Variants in CCDC66 observed in about 807,000 individuals in gnomAD.
CCDC66 encodes the protein coiled-coil domain containing 66.
A neutral mutation model predicts 128.3 loss-of-function variants in CCDC66; 133 were observed. That is an observed-to-expected ratio of 1.04 (90% CI 0.90 to 1.20). The LOEUF (loss-of-function observed/expected upper bound fraction) is 1.20. Ranked by LOEUF, CCDC66 falls within the 50% of genes most tolerant of loss-of-function variation. CCDC66 has a pLI of 0.00. For missense variants in CCDC66, 1,126 were observed against 1,075.5 expected (o/e 1.05, Z -0.66); for synonymous variants, 387 against 357.0 (o/e 1.08, Z -0.95).
intron 3 of CCDC66, chr3:56,560,936 C>T: frequency 2.2e-6 from 1 of 456,486 alleles, no homozygotes; most frequent in South Asian, 1.6e-5. Flanking sequence ...CAACTCTAAG[C>T]CCTTGATGGC....
At chr3:56,615,746 T>C (rs1041829845) in intron 12 of CCDC66, 176 bp from the exon 13 acceptor site, 2 of 431,808 alleles carry the variant, frequency 4.6e-6, no homozygotes, top group Non-Finnish European at 7.9e-6. Flanking sequence ...AGAACAATTA[T>C]TAAATGATCT....
At chr3:56,597,723 C>G (rs899700252) in intron 10 of CCDC66, among the ~76,000 whole-genome samples, 29 of 146,098 alleles carry the variant, frequency 2.0e-4, no homozygotes, top group Non-Finnish European at 3.9e-4. Context: ...TGCAACTTTA[C>G]TGAATTTATT....
chr3:56,609,464 A>G lies in CCDC66; in HGVS notation c.1405-4125A>G, dbSNP rs534532498. On this transcript the variant is annotated intron_variant, in intron 10 of 17. Coordinates refer to ENST00000394672, the MANE Select transcript of CCDC66 (RefSeq NM_001141947.3). ...ATGAAATGTGTTTTTCCGCTCACAT[A>G]AACTTAAAGTTTAGGTGAGTCTCCT... Among the ~76,000 whole-genome samples, 192 of 152,236 alleles carry G rather than the reference A, an allele frequency of 1.3e-3. 1 individual carries two copies. Among genetic ancestry groups the G allele is most frequent in the Non-Finnish European group, 2.3e-3 (157 of 67,972 alleles).
At chr3:56,580,990 T>A (rs2106664261) in intron 7 of CCDC66, among the ~76,000 whole-genome samples, 1 of 152,016 alleles carries the variant, frequency 6.6e-6, no homozygotes, top group Middle Eastern at 3.4e-3. Context: ...TCCTGGATGA[T>A]ATCCTGCAGA....
chr3:56,619,564 A>G, intron 16 of CCDC66, 37 bp downstream of exon 16: 1 of 1,518,372 alleles, frequency 6.6e-7, no homozygotes, highest in African/African-American at 2.0e-5. Flanking sequence ...GTAAAAATTG[A>G]AGACCCATGT....
chr3:56,621,801 T>C lies in CCDC66; in HGVS notation c.*183T>C, dbSNP rs1229731015. 1 of 316,058 alleles carries C rather than the reference T, an allele frequency of 3.2e-6. No individual in the cohort carries two copies. The highest frequency in any genetic ancestry group is 2.2e-5 in the African/African-American group (1 of 44,806). 19.6% of individuals were successfully genotyped at this position (316,058 alleles called of 1,614,324 possible). On this transcript the variant is annotated 3_prime_UTR_variant, in exon 18 of 18. Coordinates refer to ENST00000394672, the MANE Select transcript of CCDC66 (RefSeq NM_001141947.3). ...CTATACAATAAAACAGATACTTCTTTTGTAAAAGCTTAGTAGTAAAAAAAA... is the reference window on the plus strand; with the variant it reads ...CTATACAATAAAACAGATACTTCTTCTGTAAAAGCTTAGTAGTAAAAAAAA...
intron 15 of CCDC66, 114 bp from the exon 16 acceptor site, chr3:56,619,157 G>GCACT (rs2075985774): frequency 1.2e-6 from 1 of 868,844 alleles, no homozygotes; most frequent in Non-Finnish European, 1.7e-6. Flanking sequence ...TCGCGCCACT[G>GCACT]CACTCCAGCC....
At chr3:56,598,624 AG>A (rs1444011994) in intron 10 of CCDC66, among the ~76,000 whole-genome samples, 2 of 151,982 alleles carry the variant, frequency 1.3e-5, no homozygotes, top group Non-Finnish European at 1.5e-5. Context: ...TTTATTATTT[AG>A]TGATGTTGAA....
At chr3:56,618,590 T>A (rs2075857742) in intron 15 of CCDC66, 5 of 184,414 alleles carry the variant, frequency 2.7e-5, no homozygotes, top group South Asian at 1.8e-4. Context: ...TAATGAGAGA[T>A]TTAGAACCAT....
intron 7 of CCDC66, among the ~76,000 whole-genome samples, chr3:56,587,395 G>C (rs1470969410): frequency 6.6e-6 from 1 of 151,894 alleles, no homozygotes; most frequent in Non-Finnish European, 1.5e-5. Flanking sequence ...AGACTATACA[G>C]AAAGCATAGT....
intron 10 of CCDC66, among the ~76,000 whole-genome samples, chr3:56,606,774 G>C (rs746299504): frequency 1.3e-4 from 19 of 151,384 alleles, no homozygotes; most frequent in Non-Finnish European, 1.5e-5. Flanking sequence ...TATAGTTTCA[G>C]GTCTTAGGTT....
At chr3:56,558,133 G>T (rs2064600621) in intron 1 of CCDC66, among the ~76,000 whole-genome samples, 1 of 152,042 alleles carries the variant, frequency 6.6e-6, no homozygotes, top group African/African-American at 2.4e-5. Flanking sequence ...CGCAAATTTC[G>T]CATTCCTAAT....
chr3:56,563,751 C>T lies in CCDC66; in HGVS notation c.170C>T (p.Thr57Ile). The T allele has an allele frequency of 6.4e-7, 1 of 1,551,640 alleles. No individual in the cohort carries two copies. Among genetic ancestry groups the T allele is most frequent in the Non-Finnish European group, 8.7e-7 (1 of 1,146,910 alleles). Residue 57 changes from threonine (T) to isoleucine (I), a missense_variant, in exon 4 of 18, where the codon ACA (threonine) becomes ATA (isoleucine). Coordinates refer to ENST00000394672, the MANE Select transcript of CCDC66 (RefSeq NM_001141947.3). ...RTKTGHILKS[T>I]QDTCIGSEKL... ...AAAACTGGGCACATTCTAAAATCAA[C>T]ACAAGATACTTGTATTGGGAGTGAA...
At chr3:56,586,476 A>G (rs969518808) in intron 7 of CCDC66, among the ~76,000 whole-genome samples, 2 of 151,638 alleles carry the variant, frequency 1.3e-5, no homozygotes, top group Admixed American at 6.6e-5. Context: ...GGTTACAGTG[A>G]GCTGAGATCA....
intron 10 of CCDC66, among the ~76,000 whole-genome samples, chr3:56,604,487 C>T (rs2073759057): frequency 6.6e-6 from 1 of 151,960 alleles, no homozygotes; most frequent in Admixed American, 6.6e-5. Context: ...GACAAAATCT[C>T]TCAGAATTTC....
intron 7 of CCDC66, among the ~76,000 whole-genome samples, chr3:56,576,610 A>T (rs147542831): frequency 7.3e-6 from 1 of 137,438 alleles, no homozygotes. Context: ...CCTGTGTCCA[A>T]GTGTTCTCAT....
Position 56,616,306 on chromosome 3 carries a change from T to C in CCDC66, c.1843+253T>C, listed in dbSNP as rs183661480. 249 of 355,162 alleles carry C rather than the reference T, an allele frequency of 7.0e-4. 3 individuals are homozygous for C. The highest frequency in any genetic ancestry group is 4.8e-3 in the African/African-American group (214 of 44,684). The allele number at this position is 355,162 out of a possible 1,614,324, so 22.0% of individuals were successfully genotyped here. A position where few individuals can be genotyped will look rare whatever the true frequency, so the allele number is the denominator to read the frequency against. On this transcript the variant is annotated intron_variant, in intron 13 of 17. Coordinates refer to ENST00000394672, the MANE Select transcript of CCDC66 (RefSeq NM_001141947.3). ...CAATTCTAAAACATTTTGATCACTCTAGAAACACTGTACCCATTACTTGCC... is the reference window on the plus strand; with the variant it reads ...CAATTCTAAAACATTTTGATCACTCCAGAAACACTGTACCCATTACTTGCC...
intron 4 of CCDC66, among the ~76,000 whole-genome samples, chr3:56,565,617 T>G (rs1378181677): frequency 6.7e-6 from 1 of 149,422 alleles, no homozygotes; most frequent in Admixed American, 6.7e-5. Context: ...TATTTTTTAT[T>G]TATTATTATT....
intron 1 of CCDC66, among the ~76,000 whole-genome samples, chr3:56,558,156 A>C (rs1397198995): frequency 6.6e-6 from 1 of 152,118 alleles, no homozygotes; most frequent in African/African-American, 2.4e-5. Context: ...GACCTTTCCC[A>C]GCCTCTCTCT....
Sources: gnomAD v4.1 joint callset for allele counts (sites outside exome capture counted in the v4.1 genomes callset) on GRCh38, gnomAD v4.1.1 for gene constraint, MANE v1.5 for transcripts, NCBI Gene and HGNC (gene_info 2026-07-23, HGNC 2026-07-21) for gene names.